Variants in KIAA1671 observed in about 807,000 individuals in gnomAD.
KIAA1671 encodes KIAA1671, also known as uncharacterized protein KIAA1671.
Under a neutral mutation model 131.2 loss-of-function variants are expected in KIAA1671, and 52 were observed. The observed-to-expected ratio is 0.40, with a 90% confidence interval of 0.32 to 0.50. KIAA1671 has a LOEUF of 0.50. Ranked by LOEUF, KIAA1671 falls within the 20% of genes least tolerant of loss-of-function variation. KIAA1671 has a pLI of 0.73. For missense variants in KIAA1671, 2,360 were observed against 2,364.2 expected (o/e 1.00, Z 0.04); for synonymous variants, 1,003 against 961.6 (o/e 1.04, Z -0.80).
chr22:25,001,588 A>C (rs1049241794), intron 1 of KIAA1671, among the ~76,000 whole-genome samples: 3 of 152,114 alleles, frequency 2.0e-5, no homozygotes, highest in Non-Finnish European at 4.4e-5. Flanking sequence ...CCAGGGGTAG[A>C]TGCAGGGAAG....
chr22:25,039,636 G>A lies in KIAA1671; in HGVS notation c.2506G>A (p.Ala836Thr). 1 of 1,548,366 alleles carries A rather than the reference G, an allele frequency of 6.5e-7. No individual in the cohort carries two copies. Among genetic ancestry groups the A allele is most frequent in the East Asian group, 2.4e-5 (1 of 40,818 alleles). ...GGTGAGCTCGCACAAAGCCACCGTG[G>A]CAGTCAGCGAAGAGCACTGTGCTCC... ...AVVSSHKATV[A>T]VSEEHCAPGA... The change falls in exon 5 of 13, where the codon GCA becomes ACA. Residue 836 changes from alanine to threonine, a missense_variant. By Grantham distance (58) the Ala-to-Thr change is moderately conservative. Transcript: ENST00000358431.
chr22:25,184,050 C>T (rs749588399), intron 10 of KIAA1671, among the ~76,000 whole-genome samples: 11 of 152,214 alleles, frequency 7.2e-5, no homozygotes, highest in East Asian at 1.9e-4. Context: ...TCTGTGAAAA[C>T]GGGGCTCTGG....
At chr22:25,182,371 C>T (rs78839718) in intron 10 of KIAA1671, among the ~76,000 whole-genome samples, 15 of 148,166 alleles carry the variant, frequency 1.0e-4, no homozygotes, top group Non-Finnish European at 2.2e-4. Context: ...TCTTTCCTCC[C>T]TCCCTTTCTC....
chr22:25,000,206 T>TAAA (rs1924372766), intron 1 of KIAA1671, among the ~76,000 whole-genome samples: 1 of 81,906 alleles, frequency 1.2e-5, no homozygotes, highest in Non-Finnish European at 2.6e-5. Flanking sequence ...TTTTTTTTTT[T>TAAA]TTTTTGAGAC....
intron 6 of KIAA1671, chr22:25,054,837 A>C (rs1927754156): frequency 6.7e-6 from 1 of 149,698 alleles, no homozygotes; most frequent in African/African-American, 2.4e-5. Context: ...TTGAAGGCTG[A>C]GCAGGTGTTT....
chr22:25,189,339 A>AT lies in KIAA1671; in HGVS notation c.5343-1354dup, dbSNP rs1195866353. Among the ~76,000 whole-genome samples the AT allele has an allele frequency of 1.9e-4, 28 of 150,588 alleles. No homozygotes were observed. The East Asian group carries it at 4.9e-3, about 26-fold the overall frequency. Reference sequence around the variant, plus strand: ...AGGCACCCACCACCACACCCGGCTAATTTTTTTTTATTTTTAATAGAGACA... The same window carrying AT: ...AGGCACCCACCACCACACCCGGCTAATTTTTTTTTTATTTTTAATAGAGACA... On this transcript the variant is annotated intron_variant, in intron 11 of 12. Transcript: ENST00000358431.
Position 25,114,572 on chromosome 22 carries a change from T to G in KIAA1671, c.4531-56248T>G, listed in dbSNP as rs1264217475. 2.0e-5 allele frequency among the ~76,000 whole-genome samples: 3 copies of G among 152,330 alleles called. No homozygotes were observed. In the East Asian group the frequency reaches 5.8e-4, roughly 29 times the overall value. On this transcript the variant is annotated intron_variant, in intron 6 of 12. Coordinates refer to ENST00000358431, the MANE Select transcript of KIAA1671 (RefSeq NM_001145206.2). ...GCTGTGTGATCTTGGACAGACTCCT[T>G]CCCTCTCTGTGCCTTGATTTCCTCC...
At chr22:25,093,882 CTCT>C (rs1930271399) in intron 6 of KIAA1671, among the ~76,000 whole-genome samples, 1 of 127,092 alleles carries the variant, frequency 7.9e-6, no homozygotes, top group East Asian at 2.3e-4. Context: ...CTCTCTCTCT[CTCT>C]CCCTTCTGCT....
chr22:25,039,077 G>A lies in KIAA1671; in HGVS notation c.1947G>A (p.Arg649=). ...DMAHARVSEP[R]PRPEMGSWLG... is the part of the protein sequence containing the mutation. ...CCCATGCCCGTGTCTCAGAACCCAG[G>A]CCGAGGCCTGAGATGGGCTCTTGGC... The change falls in exon 5 of 13, where the codon AGG becomes AGA. Residue 649 remains arginine (R), a synonymous_variant. Transcript: ENST00000358431. The A allele has an allele frequency of 6.4e-7, 1 of 1,551,678 alleles. No homozygotes were observed. The highest frequency in any genetic ancestry group is 1.2e-5 in the South Asian group (1 of 84,070).
At chr22:25,065,733 G>A (rs373887650) in intron 6 of KIAA1671, among the ~76,000 whole-genome samples, 4 of 151,496 alleles carry the variant, frequency 2.6e-5, no homozygotes, top group Non-Finnish European at 5.9e-5. Context: ...TCCACCTCCC[G>A]GATTCAAGCG....
At chr22:25,042,761 C>T (rs1927015882) in intron 5 of KIAA1671, among the ~76,000 whole-genome samples, 1 of 152,104 alleles carries the variant, frequency 6.6e-6, no homozygotes, top group African/African-American at 2.4e-5. Context: ...GCGCGAGCCA[C>T]TGCGCCCGGC....
At chr22:25,012,834 C>G (rs1385111327) in intron 1 of KIAA1671, 1 of 152,196 alleles carries the variant, frequency 6.6e-6, no homozygotes, top group Non-Finnish European at 1.5e-5. Context: ...TGTCTAGCAA[C>G]TTCTGAAAGC....
At chr22:24,970,077 G>A (rs564478674) in intron 1 of KIAA1671, among the ~76,000 whole-genome samples, 3 of 152,136 alleles carry the variant, frequency 2.0e-5, no homozygotes, top group Non-Finnish European at 2.9e-5. Flanking sequence ...TTATCACTCC[G>A]GGATGCTTCC....
intron 6 of KIAA1671, among the ~76,000 whole-genome samples, chr22:25,126,852 GCC>G: frequency 6.6e-6 from 1 of 152,242 alleles, no homozygotes; most frequent in Non-Finnish European, 1.5e-5. Context: ...TTTGCAAAAA[GCC>G]CTGTAGTCAG....
chr22:25,092,924 G>C (rs1332653749), intron 6 of KIAA1671, among the ~76,000 whole-genome samples: 2 of 152,182 alleles, frequency 1.3e-5, no homozygotes, highest in Non-Finnish European at 2.9e-5. Context: ...GCACTGGAGG[G>C]AGTCAGGGTG....
chr22:24,987,175 T>TA (rs1569199164), intron 1 of KIAA1671, among the ~76,000 whole-genome samples: 1,856 of 149,638 alleles, frequency 0.012, 42 homozygotes, highest in African/African-American at 0.044. Context: ...ATTATTATTT[T>TA]TTTTTTTTTT....
rs117759677 is a variant in KIAA1671 at position 24,992,413 on chromosome 22, T to A, written c.-207-33220T>A. Among the ~76,000 whole-genome samples, 291 of 152,278 alleles carry A rather than the reference T, an allele frequency of 1.9e-3. 9 individuals carry two copies. The East Asian group carries it at 0.051, about 27-fold the overall frequency. ...TTCCTGACTTCTGTAAACATTGGAT[T>A]TCTTCCCCTGCCTGACTGAACACTG... is the stretch of plus-strand genomic sequence containing the variant. On this transcript the variant is annotated intron_variant, in intron 1 of 12. Coordinates refer to ENST00000358431, the MANE Select transcript of KIAA1671 (RefSeq NM_001145206.2).
At chr22:24,958,542 T>G (rs1921839188) in intron 1 of KIAA1671, among the ~76,000 whole-genome samples, 1 of 151,236 alleles carries the variant, frequency 6.6e-6, no homozygotes, top group South Asian at 2.1e-4. Flanking sequence ...TCCCAGCTAC[T>G]CGGGAGGCTG....
intron 6 of KIAA1671, among the ~76,000 whole-genome samples, chr22:25,127,117 G>A (rs1421955333): frequency 2.0e-5 from 3 of 152,142 alleles, no homozygotes; most frequent in African/African-American, 7.2e-5. Context: ...AAGACTTTGA[G>A]CAAGCCTCAG....
Sources: gnomAD v4.1 joint callset for allele counts (sites outside exome capture counted in the v4.1 genomes callset) on GRCh38, gnomAD v4.1.1 for gene constraint, MANE v1.5 for transcripts, NCBI Gene and HGNC (gene_info 2026-07-23, HGNC 2026-07-21) for gene names.